The following PPP4R4 variants were observed in gnomAD, a reference collection of about 807,000 sequenced individuals.
PPP4R4 encodes protein phosphatase 4 regulatory subunit 4.
In PPP4R4, 70 loss-of-function variants were observed where a neutral mutation model predicts 121.8. The ratio of observed to expected loss-of-function variants is 0.57; its 90% CI spans 0.47 to 0.70. PPP4R4 has a LOEUF of 0.70. Among genes scored for constraint, PPP4R4 ranks in the 30% least tolerant of loss-of-function variants. The pLI is 0.00. For synonymous variants in PPP4R4, 348 were observed against 355.7 expected (o/e 0.98, Z 0.24); for missense variants, 875 against 1,033.6 (o/e 0.85, Z 2.10).
chr14:94,261,237 C>T (rs576805926), intron 19 of PPP4R4, among the ~76,000 whole-genome samples: 12 of 152,180 alleles, frequency 7.9e-5, no homozygotes, highest in African/African-American at 2.6e-4. Context: ...CATCTTTGTT[C>T]CCTCTTAAAA....
intron 15 of PPP4R4, among the ~76,000 whole-genome samples, chr14:94,250,497 A>G (rs1253114834): frequency 6.6e-6 from 1 of 152,004 alleles, no homozygotes; most frequent in African/African-American, 2.4e-5. Flanking sequence ...TACACTTTAG[A>G]AATTAAAATA....
chr14:94,242,759 AGC>A (rs1205718401), intron 11 of PPP4R4, among the ~76,000 whole-genome samples: 3 of 152,180 alleles, frequency 2.0e-5, no homozygotes, highest in African/African-American at 7.2e-5. Context: ...CCTAAACTTA[AGC>A]ACTTGAGAAC....
intron 3 of PPP4R4, among the ~76,000 whole-genome samples, chr14:94,216,175 A>G (rs971427802): frequency 7.2e-5 from 11 of 152,266 alleles, no homozygotes; most frequent in African/African-American, 2.7e-4. Flanking sequence ...TTTCACTTCC[A>G]TTTAGGATAT....
At chr14:94,214,097 A>C (rs975862241) in intron 3 of PPP4R4, among the ~76,000 whole-genome samples, 3 of 152,198 alleles carry the variant, frequency 2.0e-5, no homozygotes, top group Non-Finnish European at 4.4e-5. Context: ...GATAATAGGC[A>C]CTCAAAAAAA....
At chr14:94,211,450 C>G (rs890029063) in intron 3 of PPP4R4, among the ~76,000 whole-genome samples, 4 of 152,042 alleles carry the variant, frequency 2.6e-5, no homozygotes, top group Non-Finnish European at 5.9e-5. Context: ...CCAAGTAGTT[C>G]AGGTGGAGAG....
intron 3 of PPP4R4, among the ~76,000 whole-genome samples, chr14:94,225,434 T>C (rs1282980823): frequency 1.3e-5 from 2 of 149,066 alleles, no homozygotes; most frequent in African/African-American, 4.9e-5. Context: ...GCGGAGTCCC[T>C]GATAAGCCCC....
intron 16 of PPP4R4, among the ~76,000 whole-genome samples, chr14:94,253,827 T>C (rs1229154900): frequency 1.3e-5 from 2 of 152,146 alleles, no homozygotes; most frequent in Non-Finnish European, 2.9e-5. Flanking sequence ...CCAGCCAAGA[T>C]ATGTGTCCAG....
chr14:94,213,950 T>C (rs548628265), intron 3 of PPP4R4, among the ~76,000 whole-genome samples: 3 of 152,276 alleles, frequency 2.0e-5, no homozygotes, highest in African/African-American at 7.2e-5. Context: ...TACAACCCCC[T>C]ACCGTGTCCT....
intron 2 of PPP4R4, among the ~76,000 whole-genome samples, chr14:94,187,400 T>C (rs1039814499): frequency 7.2e-5 from 11 of 152,244 alleles, no homozygotes; most frequent in African/African-American, 2.7e-4. Flanking sequence ...ACAAAGTATA[T>C]CTTTTTCTGT....
intron 14 of PPP4R4, 120 bp from the exon 15 acceptor site, chr14:94,250,052 T>G: frequency 1.6e-6 from 1 of 607,216 alleles, no homozygotes; most frequent in Non-Finnish European, 3.0e-6. Flanking sequence ...GTAAGTTCAG[T>G]GAGTTGAGAG....
rs959778652 is a variant in PPP4R4, at chr14:94,233,762, G to A, written c.623+3G>A. On this transcript the variant is annotated splice_donor_region_variant and intron_variant, in intron 6 of 24. Transcript: ENST00000304338. ...ACCAACAAATTTGATGCCCACACGTGAGTATTTGTATGTAATTTTCGGTCT... is the reference window on the plus strand; with the variant it reads ...ACCAACAAATTTGATGCCCACACGTAAGTATTTGTATGTAATTTTCGGTCT... The A allele has an allele frequency of 2.4e-5, 37 of 1,524,040 alleles. No homozygotes were observed. Among genetic ancestry groups the A allele is most frequent in the Non-Finnish European group, 2.7e-5 (30 of 1,103,560 alleles). 94.4% of individuals were successfully genotyped at this position (1,524,040 alleles called of 1,614,324 possible).
At chr14:94,243,646 G>A (rs1383682279) in intron 11 of PPP4R4, among the ~76,000 whole-genome samples, 1 of 152,084 alleles carries the variant, frequency 6.6e-6, no homozygotes, top group African/African-American at 2.4e-5. Flanking sequence ...TGTTTCACTG[G>A]TGGAAGTGAG....
chr14:94,264,804 G>A (rs1893952984), intron 19 of PPP4R4, 74 bp from the exon 20 acceptor site: 1 of 1,131,912 alleles, frequency 8.8e-7, no homozygotes, highest in Non-Finnish European at 1.3e-6. Context: ...AATCTCTAAT[G>A]CTTAATTTCT....
chr14:94,182,972 T>C (rs1335230153), intron 2 of PPP4R4, among the ~76,000 whole-genome samples: 1 of 152,212 alleles, frequency 6.6e-6, no homozygotes, highest in Non-Finnish European at 1.5e-5. Context: ...ATATCAATAA[T>C]GAACTTCCTA....
rs1425166920 is a variant in PPP4R4 at position 94,246,477 on chromosome 14, A to G, written c.1549A>G (p.Ile517Val). 2 of 1,614,110 alleles carry G rather than the reference A, an allele frequency of 1.2e-6. No homozygotes were observed. Among genetic ancestry groups the G allele is most frequent in the South Asian group, 1.1e-5 (1 of 91,076 alleles). Residue 517 changes from isoleucine to valine, a missense_variant, in exon 14 of 25, where the codon ATA (isoleucine) becomes GTA (valine). Ile to Val is a conservative substitution (Grantham distance 29, BLOSUM62 3). Coordinates refer to ENST00000304338, the MANE Select transcript of PPP4R4 (RefSeq NM_058237.2). The part of the protein sequence containing the change: ...LQKYACLPHV[I>V]SSDQIYYRFL... ...GAAATATGCCTGCCTGCCACATGTC[A>G]TATCAAGCGATCAGATTTATTACCG...
rs1344391368 is a variant in PPP4R4, at chr14:94,240,536, T to C, written c.854-137T>C. ...TTTTCACCACCCACCTCCATCGTTGTTGCTTTCAGGTATTTTCTATTACTA... is the reference window on the plus strand; with the variant it reads ...TTTTCACCACCCACCTCCATCGTTGCTGCTTTCAGGTATTTTCTATTACTA... On this transcript the variant is annotated intron_variant, in intron 8 of 24. Transcript: ENST00000304338. 9.8e-6 allele frequency: 9 copies of C among 918,788 alleles called. No individual in the cohort carries two copies. The African/African-American group carries it at 1.6e-4, about 16-fold the overall frequency. The allele number at this position is 918,788 out of a possible 1,614,324, so 56.9% of individuals were successfully genotyped here. A position where few individuals can be genotyped will look rare whatever the true frequency, so the allele number is the denominator to read the frequency against.
rs1480047135 is a variant in PPP4R4 at position 94,180,919 on chromosome 14, GTGT to G, written c.191+4796_191+4798del. On this transcript the variant is annotated intron_variant, in intron 2 of 24. Transcript: ENST00000304338. Reference sequence around the variant, plus strand: ...CAGTCAAATCAGTGGAAATAAACAAGTGTTGTACCATGTGAGAACTCTGGCGTA... The same window carrying G: ...CAGTCAAATCAGTGGAAATAAACAAGTGTACCATGTGAGAACTCTGGCGTA... Among the ~76,000 whole-genome samples the G allele has an allele frequency of 3.9e-5, 6 of 152,150 alleles. No homozygotes were observed. The East Asian group carries it at 1.2e-3, about 29-fold the overall frequency.
chr14:94,191,655 C>T (rs1485196553), intron 2 of PPP4R4, among the ~76,000 whole-genome samples: 1 of 152,106 alleles, frequency 6.6e-6, no homozygotes, highest in Admixed American at 6.5e-5. Context: ...TTCTCTATAT[C>T]ATTGATGATA....
chr14:94,278,211 C>T (rs1333240025), intron 24 of PPP4R4, among the ~76,000 whole-genome samples: 1 of 152,094 alleles, frequency 6.6e-6, no homozygotes, highest in Admixed American at 6.5e-5. Flanking sequence ...ATTGAGATGA[C>T]ACATTTGGTA....
Sources: gnomAD v4.1 joint callset for allele counts (sites outside exome capture counted in the v4.1 genomes callset) on GRCh38, gnomAD v4.1.1 for gene constraint, MANE v1.5 for transcripts, NCBI Gene and HGNC (gene_info 2026-07-23, HGNC 2026-07-21) for gene names.